Variants in C11orf58 observed in about 807,000 individuals in gnomAD.
C11orf58 encodes the protein small acidic protein.
In C11orf58, 5 loss-of-function variants were observed where a neutral mutation model predicts 22.7. That is an observed-to-expected ratio of 0.22 (90% CI 0.12 to 0.46). The LOEUF is 0.46. Among genes scored for constraint, C11orf58 ranks in the 20% least tolerant of loss-of-function variants. The pLI is 0.99. For synonymous variants in C11orf58, 71 were observed against 70.7 expected, an observed-to-expected ratio of 1.00 and a Z score of -0.02; for missense variants, 151 against 223.3, an observed-to-expected ratio of 0.68 and a Z score of 2.06.
rs189962250 is a variant in C11orf58, at chr11:16,752,634, G to T, written c.209-151G>T. ...CATCAGGCATTTTATTTTCTATTAG[G>T]TAACCACCTATGGCATAAATTCTCA... On this transcript the variant is annotated intron_variant, in intron 3 of 4. Coordinates refer to ENST00000228136, the MANE Select transcript of C11orf58 (RefSeq NM_014267.6). 1,304 of 442,230 alleles carry T rather than the reference G, an allele frequency of 2.9e-3. 3 individuals are homozygous for T. Among genetic ancestry groups the T allele is most frequent in the South Asian group, 5.2e-3 (90 of 17,416 alleles). 27.4% of individuals were successfully genotyped at this position (442,230 alleles called of 1,614,324 possible). A position where few individuals can be genotyped will look rare whatever the true frequency, so the allele number is the denominator to read the frequency against.
At chr11:16,746,326 A>G (rs142809004) in intron 2 of C11orf58, among the ~76,000 whole-genome samples, 153 of 152,290 alleles carry the variant, frequency 1.0e-3, no homozygotes, top group Non-Finnish European at 1.9e-3. Flanking sequence ...AATAGTCTGC[A>G]ATTTCTCTTG....
intron 2 of C11orf58, chr11:16,747,731 G>A: frequency 6.1e-6 from 1 of 164,092 alleles, no homozygotes; most frequent in Non-Finnish European, 1.3e-5. Context: ...GAAAGAGCAG[G>A]TGGGAAGTTA....
At chr11:16,744,764 A>C in intron 2 of C11orf58, 80 bp downstream of exon 2, 1 of 1,280,498 alleles carries the variant, frequency 7.8e-7, no homozygotes, top group Non-Finnish European at 1.1e-6. Context: ...AGAAGGACTG[A>C]ATATACTTGG....
rs1427518212 is a variant in C11orf58, at chr11:16,756,144, A to C, written c.*1040A>C. 1 of 152,142 alleles carries C rather than the reference A, an allele frequency of 6.6e-6. No individual in the cohort carries two copies. Among genetic ancestry groups the C allele is most frequent in the Non-Finnish European group, 1.5e-5 (1 of 68,038 alleles). 9.4% of individuals were successfully genotyped at this position (152,142 alleles called of 1,614,324 possible). ...TATGAGCTAGTAAATGGATCTTTGG[A>C]TAATGGGGTCCAAATTCTTAATGTT... On this transcript the variant is annotated 3_prime_UTR_variant, in exon 5 of 5. Coordinates refer to ENST00000228136, the MANE Select transcript of C11orf58 (RefSeq NM_014267.6).
chr11:16,754,173 A>G (rs1376011489), intron 4 of C11orf58: 4 of 394,976 alleles, frequency 1.0e-5, no homozygotes, highest in South Asian at 2.8e-4. Context: ...AAGTAATACA[A>G]TGTGCAAAAC....
intron 3 of C11orf58, 48 bp from the exon 4 acceptor site, chr11:16,752,736 TA>T: frequency 7.4e-7 from 1 of 1,343,540 alleles, no homozygotes; most frequent in Non-Finnish European, 1.1e-6. Flanking sequence ...GGTTTTTGTG[TA>T]AATTATTAAT....
intron 1 of C11orf58, among the ~76,000 whole-genome samples, chr11:16,741,093 TTA>T (rs1491148661): frequency 9.0e-6 from 1 of 110,522 alleles, no homozygotes; most frequent in East Asian, 4.0e-4. Context: ...GAGACTCTGT[TTA>T]AAAAAAAAAA....
chr11:16,746,969 G>A (rs1381687479), intron 2 of C11orf58: 2 of 152,192 alleles, frequency 1.3e-5, no homozygotes, highest in Non-Finnish European at 1.5e-5. Context: ...CAAGATTGTA[G>A]CTTTGATCTT....
chr11:16,750,144 A>G (rs1848520667), intron 3 of C11orf58: 1 of 152,280 alleles, frequency 6.6e-6, no homozygotes, highest in South Asian at 2.1e-4. Flanking sequence ...AAAAGAAAAT[A>G]TCAAGAGTCC....
intron 3 of C11orf58, chr11:16,752,207 G>C (rs566356211): frequency 6.2e-6 from 1 of 161,570 alleles, no homozygotes; most frequent in Non-Finnish European, 1.3e-5. Context: ...TATATATTAC[G>C]ATGTGATAAT....
In C11orf58 at chr11:16,755,501, G is replaced by A. The variant is rs117986410; in HGVS notation, c.*397G>A. On this transcript the variant is annotated 3_prime_UTR_variant, in exon 5 of 5. Transcript: ENST00000228136. ...GAAAAGTATTCTTTAATTATTCTTT[G>A]TTATAGTAGAGCTGTTCATTATGGA... 5.3e-3 allele frequency: 841 copies of A among 159,712 alleles called. 3 individuals are homozygous for A. The highest frequency in any genetic ancestry group is 8.5e-3 in the Non-Finnish European group (615 of 72,558). 9.9% of individuals were successfully genotyped at this position (159,712 alleles called of 1,614,324 possible).
intron 2 of C11orf58, among the ~76,000 whole-genome samples, chr11:16,745,387 A>G (rs1233804263): frequency 1.3e-5 from 2 of 152,208 alleles, no homozygotes; most frequent in African/African-American, 4.8e-5. Flanking sequence ...CTAATAGCCT[A>G]CTGTTGACTG....
chr11:16,744,771 T>C, intron 2 of C11orf58, 87 bp downstream of exon 2: 1 of 1,200,768 alleles, frequency 8.3e-7, no homozygotes, highest in Admixed American at 1.9e-5. Context: ...CTGAATATAC[T>C]TGGATTCCAT....
chr11:16,738,898 C>T, intron 1 of C11orf58, 57 bp downstream of exon 1: 2 of 1,600,470 alleles, frequency 1.2e-6, no homozygotes, highest in Non-Finnish European at 8.5e-7. Flanking sequence ...CTGGAGTAGG[C>T]CGGGAAGGGT....
chr11:16,743,377 C>T (rs1848462983), intron 1 of C11orf58, among the ~76,000 whole-genome samples: 4 of 152,296 alleles, frequency 2.6e-5, no homozygotes, highest in African/African-American at 9.6e-5. Flanking sequence ...TGATGGCTCT[C>T]CCAGTGAGAG....
At chr11:16,751,515 A>AAG (rs1848532965) in intron 3 of C11orf58, 2 of 151,560 alleles carry the variant, frequency 1.3e-5, no homozygotes, top group Non-Finnish European at 2.9e-5. Flanking sequence ...AAAAAAAAAA[A>AAG]CTTGCTTACT....
At chr11:16,749,077 A>G (rs1166200407) in intron 3 of C11orf58, 1 of 152,212 alleles carries the variant, frequency 6.6e-6, no homozygotes, top group African/African-American at 2.4e-5. Context: ...TGCAGGGCCT[A>G]AAGAAATAAG....
chr11:16,748,059 T>A (rs755653410), intron 2 of C11orf58, 38 bp from the exon 3 acceptor site: 123 of 1,493,542 alleles, frequency 8.2e-5, no homozygotes, highest in Non-Finnish European at 1.1e-4. Context: ...GTTAAATTAG[T>A]GGTCTCAAAT....
rs1014129795 is a variant in C11orf58, at chr11:16,757,619, A to T, written c.*2515A>T. Among the ~76,000 whole-genome samples the T allele has an allele frequency of 1.3e-5, 2 of 152,252 alleles. No individual in the cohort carries two copies. The highest frequency in any genetic ancestry group is 4.8e-5 in the African/African-American group (2 of 41,462). The stretch of plus-strand genomic sequence containing the variant: ...GCTGTCTTGGTATCCATACTAAAAA[A>T]GTATCAGGAAAATAGATTATTTTTG... On this transcript the variant is annotated 3_prime_UTR_variant, in exon 5 of 5. Transcript: ENST00000228136.
Sources: gnomAD v4.1 joint callset for allele counts (sites outside exome capture counted in the v4.1 genomes callset) on GRCh38, gnomAD v4.1.1 for gene constraint, MANE v1.5 for transcripts, NCBI Gene and HGNC (gene_info 2026-07-23, HGNC 2026-07-21) for gene names.